Variants in DDX31 observed in about 807,000 individuals in gnomAD.
The protein encoded by DDX31 is DEAD-box helicase 31.
DDX31 carries 70 observed loss-of-function variants against 91.3 expected under a neutral mutation model. The observed-to-expected ratio is 0.77, with a 90% CI of 0.63 to 0.94. DDX31 has a LOEUF of 0.94. Ranked by LOEUF, DDX31 falls within the 40% of genes least tolerant of loss-of-function variation. The probability of loss-of-function intolerance (pLI) is 0.00; values close to 1 mark genes in which losing one functional copy is unlikely to be tolerated. For missense variants in DDX31, 902 were observed against 925.0 expected (o/e 0.98, Z 0.32); for synonymous variants, 362 against 350.6 (o/e 1.03, Z -0.36).
chr9:132,656,981 CCTCA>C (rs1208046785), intron 6 of DDX31, among the ~76,000 whole-genome samples: 1 of 152,138 alleles, frequency 6.6e-6, no homozygotes, highest in African/African-American at 2.4e-5. Context: ...AAGTAAAATT[CCTCA>C]CTCAGAGAAA....
chr9:132,595,011 T>A lies in DDX31; in HGVS notation c.2096A>T (p.Lys699Met). 1 of 1,614,250 alleles carries A rather than the reference T, an allele frequency of 6.2e-7. No individual in the cohort carries two copies. Among genetic ancestry groups the A allele is most frequent in the Non-Finnish European group, 8.5e-7 (1 of 1,180,038 alleles). ...ACCAGGCTCTCCAGGTGCGTTTTGC[T>A]TTTTGACCTTGGCGATGTCGGCCTC... ...GMEADIAKVK[K>M]QNAPGEPGGR... is the part of the protein sequence containing the mutation. The change falls in exon 20 of 20, where the codon AAG (lysine) becomes ATG (methionine). Residue 699 changes from lysine to methionine, a missense_variant. Coordinates refer to ENST00000372159, the MANE Select transcript of DDX31 (RefSeq NM_022779.9). This position sits in a 1 kb window ranked among gnomAD's most constrained non-coding sequence, Gnocchi z 4.6.
intron 13 of DDX31, among the ~76,000 whole-genome samples, chr9:132,644,135 AC>A (rs1025136684): frequency 3.8e-4 from 58 of 152,276 alleles, no homozygotes; most frequent in African/African-American, 1.3e-3. Flanking sequence ...CACCCCTAAT[AC>A]TTACAAAAGA....
intron 18 of DDX31, among the ~76,000 whole-genome samples, chr9:132,612,658 T>G (rs144088533): frequency 9.2e-5 from 14 of 152,374 alleles, no homozygotes; most frequent in Admixed American, 2.0e-4. Context: ...CGTTTTCTTA[T>G]GAAAATGAGA....
intron 15 of DDX31, 77 bp from the exon 16 acceptor site, chr9:132,630,480 T>A: frequency 7.3e-7 from 1 of 1,369,714 alleles, no homozygotes; most frequent in Non-Finnish European, 9.8e-7. Context: ...ACTCCTCACC[T>A]GCCTCCAGGT....
chr9:132,662,601 G>A lies in DDX31; in HGVS notation c.170C>T (p.Thr57Ile). The A allele has an allele frequency of 1.2e-6, 2 of 1,614,184 alleles. No individual in the cohort carries two copies. The highest frequency in any genetic ancestry group is 1.7e-6 in the Non-Finnish European group (2 of 1,180,028). ...AGTCCTCTGAGTTTCTTTAACACTA[G>A]TTTTCTTGGCTGGGAGAAATGAAGT... ...NETSFLPAKK[T>I]SVKETQRTFK... Residue 57 changes from threonine to isoleucine, a missense_variant, in exon 2 of 20, where the codon ACT becomes ATT. Coordinates refer to ENST00000372159, the MANE Select transcript of DDX31 (RefSeq NM_022779.9).
intron 6 of DDX31, among the ~76,000 whole-genome samples, chr9:132,655,604 C>T (rs1422559000): frequency 6.6e-6 from 1 of 151,978 alleles, no homozygotes; most frequent in East Asian, 1.9e-4. Context: ...TTACTTTTCG[C>T]TATATATATT....
At chr9:132,636,611 T>C (rs767170153) in intron 14 of DDX31, among the ~76,000 whole-genome samples, 4 of 152,216 alleles carry the variant, frequency 2.6e-5, no homozygotes, top group Non-Finnish European at 4.4e-5. Flanking sequence ...TGTCATTGTG[T>C]CTTCAAGGCT....
chr9:132,659,609 A>G (rs1377272545), intron 5 of DDX31, 101 bp downstream of exon 5: 9 of 1,210,670 alleles, frequency 7.4e-6, no homozygotes, highest in Non-Finnish European at 1.1e-5. Flanking sequence ...CAAACGAAAC[A>G]AAACTGCCAC....
At chr9:132,618,566 C>T in intron 17 of DDX31, 125 bp from the exon 18 acceptor site, 1 of 671,456 alleles carries the variant, frequency 1.5e-6, no homozygotes, top group Non-Finnish European at 2.4e-6. Flanking sequence ...AAGGGTAATC[C>T]TTTCAATATT....
At chr9:132,602,431 C>A (rs1830768488) in intron 19 of DDX31, among the ~76,000 whole-genome samples, 1 of 152,184 alleles carries the variant, frequency 6.6e-6, no homozygotes, top group African/African-American at 2.4e-5. Flanking sequence ...CAGCACTGAG[C>A]TAAGGCTGCA....
In DDX31 at chr9:132,594,846, C is replaced by G. The variant is rs752443098; in HGVS notation, c.*20G>C. ...TGCCACCCGGGGCTTCCAGGTTCCA[C>G]TCGAAGACCCAGAGAGATTTTAAAC... On this transcript the variant is annotated 3_prime_UTR_variant, in exon 20 of 20. Transcript: ENST00000372159. The G allele has an allele frequency of 6.2e-7, 1 of 1,608,540 alleles. No homozygotes were observed. The highest frequency in any genetic ancestry group is 1.1e-5 in the South Asian group (1 of 90,862).
intron 17 of DDX31, among the ~76,000 whole-genome samples, chr9:132,624,562 A>G (rs1454288768): frequency 6.6e-6 from 1 of 152,252 alleles, no homozygotes; most frequent in African/African-American, 2.4e-5. Flanking sequence ...TTAAGACTTC[A>G]AATCCCAGAA....
At chr9:132,650,427 T>C in intron 8 of DDX31, 129 bp from the exon 9 acceptor site, 1 of 834,572 alleles carries the variant, frequency 1.2e-6, no homozygotes. Context: ...TAAGGTGTTA[T>C]TGTGCAGACA....
chr9:132,600,135 G>A (rs1478920380), intron 19 of DDX31, among the ~76,000 whole-genome samples: 2 of 152,240 alleles, frequency 1.3e-5, no homozygotes, highest in Non-Finnish European at 2.9e-5. Context: ...ACTTGACCTT[G>A]GCATGGGCCA....
chr9:132,658,098 A>G, intron 6 of DDX31: 1 of 539,894 alleles, frequency 1.9e-6, no homozygotes, highest in Non-Finnish European at 3.3e-6. Flanking sequence ...GCAAAACCAA[A>G]TCACCTTTAT....
chr9:132,647,040 T>A lies in DDX31; in HGVS notation c.986A>T (p.Asp329Val), dbSNP rs1833885014. Residue 329 changes from aspartate (D) to valine (V), a missense_variant, in exon 12 of 20, where the codon GAT becomes GTT. Transcript: ENST00000372159. ...ACTGACTGGATCATGCAAACTGATA[T>A]CAGCTAGCCGCGTTACACCTTGGAT... ...TLTEGVTRLADISLHDPVSIS... is the reference protein window; with the variant it reads ...TLTEGVTRLAVISLHDPVSIS... 6.2e-7 allele frequency: 1 copy of A among 1,613,314 alleles called. No individual in the cohort carries two copies. The highest frequency in any genetic ancestry group is 1.3e-5 in the African/African-American group (1 of 74,776).
intron 15 of DDX31, among the ~76,000 whole-genome samples, chr9:132,630,987 G>C (rs1322333419): frequency 1.3e-5 from 2 of 152,218 alleles, no homozygotes; most frequent in Non-Finnish European, 2.9e-5. Flanking sequence ...TACAGAATGC[G>C]GGCAGGTGAG....
intron 1 of DDX31, among the ~76,000 whole-genome samples, chr9:132,668,446 CAA>C (rs1176785476): frequency 6.6e-6 from 1 of 152,080 alleles, no homozygotes; most frequent in Admixed American, 6.5e-5. Context: ...TCATGGCGAC[CAA>C]AAGAGTTAAA....
intron 14 of DDX31, among the ~76,000 whole-genome samples, chr9:132,639,762 A>G (rs536780890): frequency 3.3e-5 from 5 of 152,318 alleles, no homozygotes; most frequent in African/African-American, 1.2e-4. Context: ...ATACTAGGAG[A>G]CTCAACAATT....
Sources: gnomAD v4.1 joint callset for allele counts (sites outside exome capture counted in the v4.1 genomes callset) on GRCh38, gnomAD v4.1.1 for gene constraint, Gnocchi (gnomAD v3.1) non-coding constraint, MANE v1.5 for transcripts, NCBI Gene and HGNC (gene_info 2026-07-23, HGNC 2026-07-21) for gene names.